Variants in GOLGA2 observed in about 807,000 individuals in gnomAD.
The protein encoded by GOLGA2 is golgin subfamily A member 2.
A neutral mutation model predicts 148.8 loss-of-function variants in GOLGA2; 49 were observed. That is an observed-to-expected ratio of 0.33 (90% CI 0.26 to 0.42). The LOEUF is 0.42. GOLGA2 is among the 10% of genes least tolerant of loss of function. The probability of loss-of-function intolerance (pLI) is 1.00; values close to 1 mark genes in which losing one functional copy is unlikely to be tolerated. For synonymous variants in GOLGA2, 501 were observed against 511.8 expected (o/e 0.98, Z 0.28); for missense variants, 1,178 against 1,304.6 (o/e 0.90, Z 1.49).
At chr9:128,275,563 G>A in intron 1 of GOLGA2, 1 of 1,195,944 alleles carries the variant, frequency 8.4e-7, no homozygotes, top group Non-Finnish European at 1.1e-6. Context: ...CGAGGGCAGG[G>A]GCTGAATTGC....
Position 128,262,913 on chromosome 9 carries a change from G to T in GOLGA2, c.992+121C>A. 4.8e-6 allele frequency: 4 copies of T among 835,090 alleles called. No homozygotes were observed. In the South Asian group the frequency reaches 5.5e-5, roughly 11 times the overall value. 51.7% of individuals were successfully genotyped at this position (835,090 alleles called of 1,614,324 possible). On this transcript the variant is annotated intron_variant, in intron 13 of 26. Coordinates refer to ENST00000611957, the MANE Select transcript of GOLGA2 (RefSeq NM_001366244.2). ...GTGGCACAGCTGGCACTAGAGCTTT[G>T]CTGGGCACACATGCACACCTCTATG...
intron 1 of GOLGA2, among the ~76,000 whole-genome samples, chr9:128,275,126 G>C (rs1434170147): frequency 6.6e-6 from 1 of 152,176 alleles, no homozygotes; most frequent in Non-Finnish European, 1.5e-5. Flanking sequence ...TTCAGTTCAC[G>C]GGTGAAGTGT....
At chr9:128,274,497 C>A (rs559885631) in intron 1 of GOLGA2, among the ~76,000 whole-genome samples, 1 of 152,304 alleles carries the variant, frequency 6.6e-6, no homozygotes, top group African/African-American at 2.4e-5. Context: ...CACAGTGACA[C>A]CCCCTCTCTA....
chr9:128,273,006 G>A, intron 2 of GOLGA2, 141 bp from the exon 3 acceptor site: 1 of 340,176 alleles, frequency 2.9e-6, no homozygotes, highest in Non-Finnish European at 5.7e-6. Context: ...CAATACCATG[G>A]CCTGTGCCAT....
chr9:128,263,326 T>C (rs984137994), intron 12 of GOLGA2, among the ~76,000 whole-genome samples: 1 of 152,190 alleles, frequency 6.6e-6, no homozygotes, highest in African/African-American at 2.4e-5. Context: ...AGATCTCAGC[T>C]CACAACCTCT....
Position 128,260,206 on chromosome 9 carries a change from A to C in GOLGA2, c.1759-17T>G, listed in dbSNP as rs1349081740. ...CTCATTAGTCTGGACAGAGAGAAGCAATCAGCGGCCACCCACTGCAGCTGG... is the reference window on the plus strand; with the variant it reads ...CTCATTAGTCTGGACAGAGAGAAGCCATCAGCGGCCACCCACTGCAGCTGG... On this transcript the variant is annotated splice_polypyrimidine_tract_variant and intron_variant, in intron 18 of 26. Coordinates refer to ENST00000611957, the MANE Select transcript of GOLGA2 (RefSeq NM_001366244.2). This position sits in a 1 kb window ranked among gnomAD's most constrained non-coding sequence, Gnocchi z 4.8. 6 of 1,566,552 alleles carry C rather than the reference A, an allele frequency of 3.8e-6. No homozygotes were observed. Among genetic ancestry groups the C allele is most frequent in the Non-Finnish European group, 5.2e-6 (6 of 1,145,468 alleles).
At chr9:128,262,975 CAGCA>C in intron 13 of GOLGA2, 55 bp downstream of exon 13, 1 of 1,179,316 alleles carries the variant, frequency 8.5e-7, no homozygotes, top group Admixed American at 1.7e-5. Flanking sequence ...CCCCACCTCC[CAGCA>C]CACCACCCAT....
rs1430667778 is a variant in GOLGA2 at position 128,257,424 on chromosome 9, C to T, written c.2820G>A (p.Glu940=). Residue 940 remains glutamate (E), a synonymous_variant, in exon 26 of 27, where the codon GAG becomes GAA. Transcript: ENST00000611957. The surrounding 1 kb of genome is among the most constrained non-coding windows in gnomAD (Gnocchi z 8.0). ...GGGGGGCTGGGGCCCCTGAAGTGGGCTCATCAGCAGGGTTCTGGGCAGCTG... is the reference window on the plus strand; with the variant it reads ...GGGGGGCTGGGGCCCCTGAAGTGGGTTCATCAGCAGGGTTCTGGGCAGCTG... ...FLAAAQNPAD[E]PTSGAPAPQE... The T allele has an allele frequency of 6.2e-7, 1 of 1,613,022 alleles. No homozygotes were observed. Among genetic ancestry groups the T allele is most frequent in the South Asian group, 1.1e-5 (1 of 91,032 alleles).
At chr9:128,267,828 C>T (rs370686024) in intron 6 of GOLGA2, 106 bp downstream of exon 6, 53 of 909,226 alleles carry the variant, frequency 5.8e-5, no homozygotes, top group African/African-American at 4.8e-4. Context: ...TTGCCCAGCA[C>T]ATTGGCTGGT....
rs1588489213 is a variant in GOLGA2 at position 128,268,464 on chromosome 9, C to T, written c.349G>A (p.Val117Ile). Residue 117 changes from valine (V) to isoleucine (I), a missense_variant, in exon 4 of 27, where the codon GTC (valine) becomes ATC (isoleucine). Around this residue, in one of 5 missense-constraint regions of GOLGA2, gnomAD observed 158 missense variants for 156.6 expected, o/e 1.01. Coordinates refer to ENST00000611957, the MANE Select transcript of GOLGA2 (RefSeq NM_001366244.2). ...PSDDTVLPGG[V>I]PSPGASLTSM... ...GTGAGACTGGCACCAGGGGAAGGGA[C>T]ACCGCCAGGTAACACGGTGTCATCA... is the stretch of plus-strand genomic sequence containing the variant. The T allele has an allele frequency of 1.2e-6, 2 of 1,612,380 alleles. No homozygotes were observed. Among genetic ancestry groups the T allele is most frequent in the Non-Finnish European group, 1.7e-6 (2 of 1,178,982 alleles).
In GOLGA2 at chr9:128,256,887, G is replaced by T; in HGVS notation, c.*180C>A. ...TAACTTTTAATTTTTTTTTAATTTA[G>T]TGGCCAGCTTTTAGATGACAGTGAT... is the stretch of plus-strand genomic sequence containing the variant. On this transcript the variant is annotated 3_prime_UTR_variant, in exon 27 of 27. Coordinates refer to ENST00000611957, the MANE Select transcript of GOLGA2 (RefSeq NM_001366244.2). 3.9e-6 allele frequency: 2 copies of T among 510,438 alleles called. No homozygotes were observed. The highest frequency in any genetic ancestry group is 4.2e-5 in the South Asian group (1 of 23,796). 31.6% of individuals were successfully genotyped at this position (510,438 alleles called of 1,614,324 possible).
At position 128,257,719 on chromosome 9, in the gene GOLGA2, C is replaced by T; in HGVS notation, c.2612-12G>A. 1 of 1,613,226 alleles carries T rather than the reference C, an allele frequency of 6.2e-7. No individual in the cohort carries two copies. The highest frequency in any genetic ancestry group is 1.1e-5 in the South Asian group (1 of 91,070). ...TGCAATGTACTCTCCTGCGGGAGGA[C>T]AGGGCTCAGATGCTGGGTTCCCTCC... On this transcript the variant is annotated splice_polypyrimidine_tract_variant and intron_variant, in intron 24 of 26. Coordinates refer to ENST00000611957, the MANE Select transcript of GOLGA2 (RefSeq NM_001366244.2). The surrounding 1 kb of genome is among the most constrained non-coding windows in gnomAD (Gnocchi z 8.0).
chr9:128,260,468 C>T lies in GOLGA2; in HGVS notation c.1755G>A (p.Lys585=). The part of the protein sequence containing the change: ...QLAELQSGFV[K]LTNENMEITS... ...CTCTCCAGGTGGGGCAGCGCACCAGCTTTACAAATCCGCTCTGCAGCTCAG... is the reference window on the plus strand; with the variant it reads ...CTCTCCAGGTGGGGCAGCGCACCAGTTTTACAAATCCGCTCTGCAGCTCAG... Residue 585 remains lysine (K), a synonymous_variant, in exon 18 of 27, where the codon AAG becomes AAA. Transcript: ENST00000611957. This position sits in a 1 kb window ranked among gnomAD's most constrained non-coding sequence, Gnocchi z 4.8. 6.2e-7 allele frequency: 1 copy of T among 1,607,946 alleles called. No homozygotes were observed.
chr9:128,257,003 G>A lies in GOLGA2; in HGVS notation c.*64C>T, dbSNP rs1829906216. 1 of 1,201,248 alleles carries A rather than the reference G, an allele frequency of 8.3e-7. No individual in the cohort carries two copies. The highest frequency in any genetic ancestry group is 1.3e-5 in the South Asian group (1 of 75,072). The allele number at this position is 1,201,248 out of a possible 1,614,324, so 74.4% of individuals were successfully genotyped here. A position where few individuals can be genotyped will look rare whatever the true frequency, so the allele number is the denominator to read the frequency against. ...AAGGGTTGACTGAGAAGGGATGGTA[G>A]GGATATGGTGGGGGCAGGGTATCCA... On this transcript the variant is annotated 3_prime_UTR_variant, in exon 27 of 27. Transcript: ENST00000611957. This position sits in a 1 kb window ranked among gnomAD's most constrained non-coding sequence, Gnocchi z 8.0.
intron 3 of GOLGA2, among the ~76,000 whole-genome samples, chr9:128,272,129 T>G (rs1374996130): frequency 4.7e-5 from 7 of 148,818 alleles, no homozygotes; most frequent in Admixed American, 4.0e-4. Context: ...TTTTTTGTGT[T>G]TTTTTTTTTT....
Position 128,258,471 on chromosome 9 carries a change from T to C in GOLGA2, c.2273A>G (p.Glu758Gly), listed in dbSNP as rs751341942. The C allele has an allele frequency of 3.7e-6, 6 of 1,613,084 alleles. No individual in the cohort carries two copies. Among genetic ancestry groups the C allele is most frequent in the Non-Finnish European group, 5.1e-6 (6 of 1,179,592 alleles). ...QPMPSIPEDL[E>G]SREAMVAFFN... ...CAGCCTCACCATGGCTTCCCGGCTC[T>C]CCAGGTCCTCCGGGATGCTTGGCAT... The change falls in exon 22 of 27, where the codon GAG (glutamate) becomes GGG (glycine). Residue 758 changes from glutamate to glycine, a missense_variant. Transcript: ENST00000611957. The surrounding 1 kb of genome is among the most constrained non-coding windows in gnomAD (Gnocchi z 6.6).
rs759102968 is a variant in GOLGA2, at chr9:128,271,431, G to A, written c.288+1354C>T. 7.9e-5 allele frequency among the ~76,000 whole-genome samples: 12 copies of A among 152,130 alleles called. No homozygotes were observed. The highest frequency in any genetic ancestry group is 1.5e-4 in the Non-Finnish European group (10 of 68,022). ...TATTCGTGCCCTGCTCCTCTGGCTT[G>A]GCAGGAAGGAGTCCCCCAGGTGAGT... On this transcript the variant is annotated intron_variant, in intron 3 of 26. Coordinates refer to ENST00000611957, the MANE Select transcript of GOLGA2 (RefSeq NM_001366244.2). This position sits in a 1 kb window ranked among gnomAD's most constrained non-coding sequence, Gnocchi z 4.4.
rs775732062 is a variant in GOLGA2, at chr9:128,258,072, GC to G, written c.2415del (p.Glu805AspfsTer45). 6.2e-7 allele frequency: 1 copy of G among 1,611,094 alleles called. No homozygotes were observed. Among genetic ancestry groups the G allele is most frequent in the East Asian group, 2.2e-5 (1 of 44,868 alleles). ...CCTGGGGCTGGGGCTGCTGCCTCAG[GC>G]TCCTTCTGGGCCGAGGCCAGCAGGT... ...LAHLLASAQK[E>X]PEAAAPAPGT... is the part of the protein sequence containing the mutation. On this transcript the variant is annotated frameshift_variant, in exon 23 of 27. Coordinates refer to ENST00000611957, the MANE Select transcript of GOLGA2 (RefSeq NM_001366244.2). LOFTEE classifies it high-confidence loss of function. This position sits in a 1 kb window ranked among gnomAD's most constrained non-coding sequence, Gnocchi z 6.6.
intron 1 of GOLGA2, among the ~76,000 whole-genome samples, chr9:128,274,827 G>T (rs1375599488): frequency 6.6e-6 from 1 of 152,136 alleles, no homozygotes; most frequent in Non-Finnish European, 1.5e-5. Flanking sequence ...TGATGCTTCA[G>T]AAAGATGCCC....
Sources: gnomAD v4.1 joint callset for allele counts (sites outside exome capture counted in the v4.1 genomes callset) on GRCh38, gnomAD v4.1.1 for gene constraint, gnomAD v4.1.1 regional missense constraint, Gnocchi (gnomAD v3.1) non-coding constraint, MANE v1.5 for transcripts, NCBI Gene and HGNC (gene_info 2026-07-23, HGNC 2026-07-21) for gene names.